The following CYP3A4 variants were observed in gnomAD, a reference collection of about 807,000 sequenced individuals.
CYP3A4 encodes cytochrome P450 3A4.
A neutral mutation model predicts 54.9 loss-of-function variants in CYP3A4; 41 were observed. The ratio of observed to expected loss-of-function variants is 0.75; its 90% CI spans 0.58 to 0.97. The LOEUF (loss-of-function observed/expected upper bound fraction) is 0.97, where lower values mean the gene tolerates loss of function less well. Among genes scored for constraint, CYP3A4 ranks in the 50% least tolerant of loss-of-function variants. CYP3A4 has a pLI of 0.00. For synonymous variants in CYP3A4, 179 were observed against 205.2 expected, an observed-to-expected ratio of 0.87 and a Z score of 1.09; for missense variants, 510 against 597.3, an observed-to-expected ratio of 0.85 and a Z score of 1.52.
At chr7:99,778,186 C>A (rs1815823657) in intron 2 of CYP3A4, 106 bp from the exon 3 acceptor site, 4 of 844,150 alleles carry the variant, frequency 4.7e-6, no homozygotes, top group African/African-American at 3.5e-5. Flanking sequence ...GACTTGCTGG[C>A]AGTTAGAGGA....
chr7:99,783,769 C>G (rs938517322), intron 1 of CYP3A4, among the ~76,000 whole-genome samples: 3 of 151,994 alleles, frequency 2.0e-5, no homozygotes, highest in Middle Eastern at 3.2e-3. Flanking sequence ...CCACCATGCC[C>G]AGCTAATTTT....
At chr7:99,772,263 T>C (rs1457227889) in intron 4 of CYP3A4, among the ~76,000 whole-genome samples, 4 of 152,038 alleles carry the variant, frequency 2.6e-5, no homozygotes, top group Non-Finnish European at 4.4e-5. Context: ...CACAAATGGG[T>C]TCTGCGTTTT....
chr7:99,771,963 A>G (rs1815646486), intron 4 of CYP3A4, among the ~76,000 whole-genome samples: 1 of 152,224 alleles, frequency 6.6e-6, no homozygotes, highest in Non-Finnish European at 1.5e-5. Flanking sequence ...AGCTACATTT[A>G]GTAAAGCATT....
chr7:99,773,954 G>A (rs537510126), intron 3 of CYP3A4, among the ~76,000 whole-genome samples: 1 of 151,880 alleles, frequency 6.6e-6, no homozygotes, highest in African/African-American at 2.4e-5. Context: ...CTGCTAGCAA[G>A]ACTAATAAAG....
At position 99,757,355 on chromosome 7, in the gene CYP3A4, G is replaced by C. The variant is rs1280442674; in HGVS notation, c.*778C>G. On this transcript the variant is annotated 3_prime_UTR_variant, in exon 13 of 13. Transcript: ENST00000651514. ...AGCTAATTTGTGTATTTTTAGTAGAGATGGGGTTTCAACCATGTAGGCCAG... is the reference window on the plus strand; with the variant it reads ...AGCTAATTTGTGTATTTTTAGTAGACATGGGGTTTCAACCATGTAGGCCAG... 1.5e-5 allele frequency: 2 copies of C among 135,196 alleles called. No individual in the cohort carries two copies. The highest frequency in any genetic ancestry group is 7.1e-5 in the African/African-American group (2 of 28,022). 8.4% of individuals were successfully genotyped at this position (135,196 alleles called of 1,614,324 possible).
rs550740702 is a variant in CYP3A4, at chr7:99,757,718, T to G, written c.*415A>C. ...CTTTATTGATTTAACATAAAACTTA[T>G]AGAATACTCCAGAGAAAACATGTGA... On this transcript the variant is annotated 3_prime_UTR_variant, in exon 13 of 13. Transcript: ENST00000651514. 5.7e-6 allele frequency: 1 copy of G among 175,624 alleles called. No individual in the cohort carries two copies. The highest frequency in any genetic ancestry group is 1.3e-4 in the South Asian group (1 of 7,492). The allele number at this position is 175,624 out of a possible 1,614,324, so 10.9% of individuals were successfully genotyped here.
intron 12 of CYP3A4, among the ~76,000 whole-genome samples, chr7:99,759,399 C>A (rs1362901991): frequency 6.7e-6 from 1 of 149,134 alleles, no homozygotes; most frequent in Non-Finnish European, 1.5e-5. Context: ...ATTTTCACTG[C>A]AGACAGACAT....
intron 2 of CYP3A4, among the ~76,000 whole-genome samples, chr7:99,778,670 A>C (rs779132726): frequency 3.3e-5 from 5 of 152,194 alleles, no homozygotes; most frequent in Non-Finnish European, 7.4e-5. Context: ...TTTCCAGCTT[A>C]ACATGGAAGT....
rs1815592239 is a variant in CYP3A4 at position 99,770,179 on chromosome 7, T to A, written c.375A>T (p.Glu125Asp). 1.1e-5 allele frequency: 17 copies of A among 1,613,868 alleles called. No individual in the cohort carries two copies. Among genetic ancestry groups the A allele is most frequent in the Non-Finnish European group, 1.3e-5 (15 of 1,179,818 alleles). ...ACAGCAATGATCGTAATCTCTTCCA[T>A]TCTTCATCCTCAGCTATAGAGATGG... ...KSAISIAEDE[E>D]WKRLRSLLSP... Residue 125 changes from glutamate (E) to aspartate (D), a missense_variant, in exon 5 of 13, where the codon GAA becomes GAT. Glu to Asp is a conservative substitution (Grantham distance 45). Transcript: ENST00000651514.
intron 3 of CYP3A4, among the ~76,000 whole-genome samples, chr7:99,775,386 C>T (rs1231996350): frequency 6.6e-6 from 1 of 152,110 alleles, no homozygotes; most frequent in African/African-American, 2.4e-5. Flanking sequence ...ATAGACAAGA[C>T]AATCCTAAGC....
In CYP3A4 at chr7:99,768,893, A is replaced by G. The variant is rs143997373; in HGVS notation, c.522-391T>C. ...TCCTAAGGGGCTCAAGACAGGTGAT[A>G]TTGCCTGACTGCAGACTCTATGCCC... On this transcript the variant is annotated intron_variant, in intron 6 of 12. Coordinates refer to ENST00000651514, the MANE Select transcript of CYP3A4 (RefSeq NM_017460.6). Among the ~76,000 whole-genome samples, 504 of 152,302 alleles carry G rather than the reference A, an allele frequency of 3.3e-3. 3 individuals carry two copies. Among genetic ancestry groups the G allele is most frequent in the African/African-American group, 0.011 (473 of 41,570 alleles).
intron 5 of CYP3A4, 88 bp from the exon 6 acceptor site, chr7:99,769,944 G>C (rs1251873573): frequency 6.3e-7 from 1 of 1,597,450 alleles, no homozygotes; most frequent in Non-Finnish European, 8.6e-7. Flanking sequence ...GGAGCAGTAA[G>C]TGACATTTTA....
At chr7:99,761,934 C>T (rs1421196724) in intron 11 of CYP3A4, 107 bp downstream of exon 11, 3 of 1,018,786 alleles carry the variant, frequency 2.9e-6, no homozygotes, top group Non-Finnish European at 4.5e-6. Context: ...TATAAAAATA[C>T]AAGCAAATAA....
At chr7:99,783,825 T>C (rs1815989417) in intron 1 of CYP3A4, among the ~76,000 whole-genome samples, 186 bp downstream of exon 1, 1 of 152,160 alleles carries the variant, frequency 6.6e-6, no homozygotes, top group African/African-American at 2.4e-5. Context: ...GCCAGGCTGG[T>C]CTTGAACTCC....
chr7:99,767,530 A>T (rs768731045), intron 7 of CYP3A4, among the ~76,000 whole-genome samples: 2 of 152,168 alleles, frequency 1.3e-5, no homozygotes, highest in Non-Finnish European at 2.9e-5. Context: ...TCAATGCCCT[A>T]ATCTCTTTGC....
At chr7:99,774,333 C>T (rs1030263757) in intron 3 of CYP3A4, among the ~76,000 whole-genome samples, 1 of 152,202 alleles carries the variant, frequency 6.6e-6, no homozygotes, top group Non-Finnish European at 1.5e-5. Flanking sequence ...TCCTCCCTAA[C>T]TCATTTTATG....
intron 8 of CYP3A4, 72 bp from the exon 9 acceptor site, chr7:99,766,515 C>T: frequency 6.3e-7 from 1 of 1,575,828 alleles, no homozygotes; most frequent in Non-Finnish European, 8.7e-7. Context: ...CAAGCGTGGT[C>T]CTTGATCTCC....
At chr7:99,760,736 A>T in intron 12 of CYP3A4, 83 bp downstream of exon 12, 1 of 1,506,728 alleles carries the variant, frequency 6.6e-7, no homozygotes, top group Non-Finnish European at 9.1e-7. Context: ...AAGATTAAAC[A>T]AGCATATTCT....
intron 12 of CYP3A4, among the ~76,000 whole-genome samples, chr7:99,759,722 C>T (rs1815268341): frequency 6.6e-6 from 1 of 152,010 alleles, no homozygotes; most frequent in Non-Finnish European, 1.5e-5. Context: ...CTCCAGTATC[C>T]AATAACAGAG....
Sources: gnomAD v4.1 joint callset for allele counts (sites outside exome capture counted in the v4.1 genomes callset) on GRCh38, gnomAD v4.1.1 for gene constraint, MANE v1.5 for transcripts, NCBI Gene and HGNC (gene_info 2026-07-23, HGNC 2026-07-21) for gene names.